The following GPNMB variants were observed in gnomAD, a reference collection of about 807,000 sequenced individuals.
GPNMB encodes the protein transmembrane glycoprotein NMB.
Under a neutral mutation model 57.3 loss-of-function variants are expected in GPNMB, and 71 were observed. The ratio of observed to expected loss-of-function variants is 1.24; its 90% CI spans 1.02 to 1.51. The LOEUF is 1.51. Ranked by LOEUF, GPNMB falls within the 40% of genes most tolerant of loss-of-function variation. The probability of loss-of-function intolerance (pLI) is 0.00; values close to 1 mark genes in which losing one functional copy is unlikely to be tolerated. For synonymous variants in GPNMB, 253 were observed against 263.2 expected (o/e 0.96, Z 0.38); for missense variants, 677 against 691.9 (o/e 0.98, Z 0.24).
chr7:23,268,760 G>T (rs1159243210), intron 8 of GPNMB, among the ~76,000 whole-genome samples: 1 of 152,186 alleles, frequency 6.6e-6, no homozygotes, highest in African/African-American at 2.4e-5. Flanking sequence ...GAGAGGACCA[G>T]AATGAGGGTG....
chr7:23,273,618 A>C lies in GPNMB; in HGVS notation c.1523+4A>C. On this transcript the variant is annotated splice_donor_region_variant and intron_variant, in intron 10 of 10. Transcript: ENST00000258733. ...TGATCTCCCTCTTGGTGTACAAGTA[A>C]GTTTTTGGTTCCTACGCTTTATATC... 6.3e-7 allele frequency: 1 copy of C among 1,576,764 alleles called. No individual in the cohort carries two copies. Among genetic ancestry groups the C allele is most frequent in the Non-Finnish European group, 8.7e-7 (1 of 1,145,942 alleles).
Position 23,267,928 on chromosome 7 carries a change from T to C in GPNMB, c.1160T>C (p.Leu387Pro). The C allele has an allele frequency of 6.2e-7, 1 of 1,613,800 alleles. No homozygotes were observed. The highest frequency in any genetic ancestry group is 1.1e-5 in the South Asian group (1 of 91,062). The stretch of plus-strand genomic sequence containing the variant: ...AACATCATCCAGATGACAGACGTCC[T>C]GATGCCGGTGCCATGGCCTGAAAGC... ...EVNIIQMTDVLMPVPWPESSL... is the reference protein window; with the variant it reads ...EVNIIQMTDVPMPVPWPESSL... Residue 387 changes from leucine to proline, a missense_variant, in exon 8 of 11, where the codon CTG becomes CCG. Coordinates refer to ENST00000258733, the MANE Select transcript of GPNMB (RefSeq NM_002510.3).
At chr7:23,254,413 C>T in intron 3 of GPNMB, 101 bp downstream of exon 3, 1 of 873,102 alleles carries the variant, frequency 1.1e-6, no homozygotes, top group Non-Finnish European at 1.8e-6. Context: ...TCATCCCTTG[C>T]CACTGCACTC....
At chr7:23,247,140 T>G (rs188523208) in intron 1 of GPNMB, 281 of 575,296 alleles carry the variant, frequency 4.9e-4, no homozygotes, top group Non-Finnish European at 8.2e-4. Context: ...TCATGGAAAG[T>G]AAAAACTATG....
rs111313190 is a variant in GPNMB at position 23,265,827 on chromosome 7, C to G, written c.1019-690C>G. ...TAAATGATGTGCCTGTGGTCTCAAA[C>G]AGCTAAAAACAAGGGAAGCTGGAAT... On this transcript the variant is annotated intron_variant, in intron 6 of 10. Coordinates refer to ENST00000258733, the MANE Select transcript of GPNMB (RefSeq NM_002510.3). 4.4e-3 allele frequency among the ~76,000 whole-genome samples: 671 copies of G among 151,108 alleles called. 6 individuals carry two copies. The highest frequency in any genetic ancestry group is 0.015 in the African/African-American group (624 of 41,112).
rs771428317 is a variant in GPNMB at position 23,260,724 on chromosome 7, T to TCCGCCA, written c.978_983dup (p.Pro329_Pro330dup). On this transcript the variant is annotated inframe_insertion, in exon 6 of 11. Transcript: ENST00000258733. ...TGAAAGCTGCAGCACCAGGACCTTG[T>TCCGCCA]CCGCCACCGCCACCACCACCCAGAC... 3 of 1,595,200 alleles carry TCCGCCA rather than the reference T, an allele frequency of 1.9e-6. No individual in the cohort carries two copies. Among genetic ancestry groups the TCCGCCA allele is most frequent in the Non-Finnish European group, 2.6e-6 (3 of 1,167,774 alleles).
chr7:23,261,680 A>G (rs1172726543), intron 6 of GPNMB, among the ~76,000 whole-genome samples: 2 of 152,204 alleles, frequency 1.3e-5, no homozygotes, highest in African/African-American at 4.8e-5. Flanking sequence ...TACCTATTGT[A>G]AATGACGAGT....
intron 3 of GPNMB, among the ~76,000 whole-genome samples, chr7:23,256,592 G>C (rs1224875109): frequency 6.6e-6 from 1 of 152,160 alleles, no homozygotes; most frequent in Non-Finnish European, 1.5e-5. Context: ...TCTCTGATTT[G>C]AATAGGATTG....
intron 3 of GPNMB, among the ~76,000 whole-genome samples, chr7:23,256,057 C>A (rs938302365): frequency 1.4e-4 from 22 of 152,140 alleles, no homozygotes; most frequent in African/African-American, 5.1e-4. Context: ...TAGGCGCATG[C>A]AGCATGACTG....
chr7:23,262,219 C>G (rs1424160856), intron 6 of GPNMB, among the ~76,000 whole-genome samples: 1 of 152,146 alleles, frequency 6.6e-6, no homozygotes, highest in Admixed American at 6.5e-5. Context: ...TCGATTATCT[C>G]AAAAATGTTT....
At chr7:23,264,235 T>C (rs1470692250) in intron 6 of GPNMB, among the ~76,000 whole-genome samples, 1 of 152,146 alleles carries the variant, frequency 6.6e-6, no homozygotes, top group Non-Finnish European at 1.5e-5. Flanking sequence ...AACAGGGACA[T>C]AAATACCAAA....
At chr7:23,251,273 A>G (rs1351091405) in intron 1 of GPNMB, among the ~76,000 whole-genome samples, 1 of 152,174 alleles carries the variant, frequency 6.6e-6, no homozygotes, top group South Asian at 2.1e-4. Flanking sequence ...CATGCATCCA[A>G]TATGGCTTCT....
rs1352358570 is a variant in GPNMB, at chr7:23,260,455, G to T, written c.701-1G>T. On this transcript the variant is annotated splice_acceptor_variant, in intron 5 of 10. Coordinates refer to ENST00000258733, the MANE Select transcript of GPNMB (RefSeq NM_002510.3). LOFTEE classifies it high-confidence loss of function. ...ATTTCTTTGGGGGATGTATCTTTTA[G>T]ATCAGATTCCTGTGTTTGTGACTAT... is the stretch of plus-strand genomic sequence containing the variant. 6.2e-7 allele frequency: 1 copy of T among 1,605,350 alleles called. No individual in the cohort carries two copies. Among genetic ancestry groups the T allele is most frequent in the Non-Finnish European group, 8.5e-7 (1 of 1,174,252 alleles).
chr7:23,274,158 G>A lies in GPNMB; in HGVS notation c.1617G>A (p.Val539=). The change falls in exon 11 of 11, where the codon GTG becomes GTA. Residue 539 remains valine (V), a synonymous_variant. Transcript: ENST00000258733. ...TCTTTCTCAACCGTGCAAAAGCCGT[G>A]TTCTTCCCGGGAAACCAGGAAAAGG... ...LSVFLNRAKA[V]FFPGNQEKDP... 6.2e-7 allele frequency: 1 copy of A among 1,614,010 alleles called. No homozygotes were observed. Among genetic ancestry groups the A allele is most frequent in the Non-Finnish European group, 8.5e-7 (1 of 1,179,926 alleles).
At chr7:23,256,674 CT>C (rs1269280891) in intron 3 of GPNMB, among the ~76,000 whole-genome samples, 2 of 152,174 alleles carry the variant, frequency 1.3e-5, no homozygotes, top group African/African-American at 2.4e-5. Context: ...TGAATAATTG[CT>C]TTGTATAAAA....
intron 1 of GPNMB, among the ~76,000 whole-genome samples, chr7:23,248,777 T>G (rs1434340310): frequency 4.7e-5 from 6 of 128,984 alleles, no homozygotes; most frequent in Admixed American, 7.5e-5. Context: ...TACTATTGGG[T>G]TTTTTTTTTT....
chr7:23,264,212 C>T (rs1011171087), intron 6 of GPNMB, among the ~76,000 whole-genome samples: 6 of 152,012 alleles, frequency 3.9e-5, no homozygotes, highest in African/African-American at 1.5e-4. Flanking sequence ...AGCTCTCACA[C>T]CGTTCTCTGG....
rs77218072 is a variant in GPNMB at position 23,247,159 on chromosome 7, C to A, written c.70+232C>A. On this transcript the variant is annotated intron_variant, in intron 1 of 10. Coordinates refer to ENST00000258733, the MANE Select transcript of GPNMB (RefSeq NM_002510.3). ...GGAAAGTAAAAACTATGCTGCCCTT[C>A]TCTTGTGAAGCTTCTTTTCCATTGC... 6.9e-4 allele frequency: 375 copies of A among 544,432 alleles called. 2 individuals carry two copies. The highest frequency in any genetic ancestry group is 6.4e-3 in the African/African-American group (339 of 52,604). 33.7% of individuals were successfully genotyped at this position (544,432 alleles called of 1,614,324 possible).
chr7:23,273,789 T>G (rs754168711), intron 10 of GPNMB, 175 bp downstream of exon 10: 2 of 592,336 alleles, frequency 3.4e-6, no homozygotes, highest in African/African-American at 1.9e-5. Flanking sequence ...TTGTGGTTTG[T>G]TTTTAATCCT....
Sources: allele counts gnomAD v4.1 joint callset (sites outside exome capture counted in the v4.1 genomes callset), GRCh38; gene constraint gnomAD v4.1.1; transcripts MANE v1.5; gene names NCBI Gene and HGNC (gene_info 2026-07-23, HGNC 2026-07-21).